The following PAXIP1 variants were observed in gnomAD, a reference collection of about 807,000 sequenced individuals.
The protein encoded by PAXIP1 is PAX-interacting protein 1.
In PAXIP1, 19 loss-of-function variants were observed where a neutral mutation model predicts 140.6. The ratio of observed to expected loss-of-function variants is 0.14; its 90% CI spans 0.09 to 0.20. The LOEUF (loss-of-function observed/expected upper bound fraction) is 0.20. Among genes scored for constraint, PAXIP1 ranks in the 10% least tolerant of loss-of-function variants. The probability of loss-of-function intolerance (pLI) is 1.00; values close to 1 mark genes in which losing one functional copy is unlikely to be tolerated. For synonymous variants in PAXIP1, 442 were observed against 444.6 expected (o/e 0.99, Z 0.07); for missense variants, 920 against 1,208.6 (o/e 0.76, Z 3.54).
rs753209186 is a variant in PAXIP1 at position 154,944,062 on chromosome 7, C to G, written c.*87G>C. 2 of 1,236,690 alleles carry G rather than the reference C, an allele frequency of 1.6e-6. No individual in the cohort carries two copies. Among genetic ancestry groups the G allele is most frequent in the Admixed American group, 1.8e-5 (1 of 55,426 alleles). The allele number at this position is 1,236,690 out of a possible 1,614,324, so 76.6% of individuals were successfully genotyped here. On this transcript the variant is annotated 3_prime_UTR_variant, in exon 21 of 21. Coordinates refer to ENST00000404141, the MANE Select transcript of PAXIP1 (RefSeq NM_007349.4). ...CAGGAAAGCAGCTGGAAAACAAGAGCATGTGAAGGAAGCGCAGCAGCTCCT... is the reference window on the plus strand; with the variant it reads ...CAGGAAAGCAGCTGGAAAACAAGAGGATGTGAAGGAAGCGCAGCAGCTCCT...
chr7:154,957,032 T>C, intron 14 of PAXIP1, 192 bp downstream of exon 14: 2 of 415,998 alleles, frequency 4.8e-6, no homozygotes, highest in Non-Finnish European at 8.5e-6. Flanking sequence ...ACTGAATTTT[T>C]TTAAAATAAA....
At chr7:154,948,173 A>C (rs1371970260) in intron 16 of PAXIP1, 170 bp from the exon 17 acceptor site, 16 of 591,588 alleles carry the variant, frequency 2.7e-5, no homozygotes, top group Non-Finnish European at 4.3e-5. Flanking sequence ...CTTCCCTCTA[A>C]AAACAGCCAG....
At chr7:154,968,025 T>C in intron 7 of PAXIP1, 115 bp from the exon 8 acceptor site, 1 of 651,648 alleles carries the variant, frequency 1.5e-6, no homozygotes, top group South Asian at 1.9e-5. Context: ...GTCTTGACCA[T>C]GACGTATCTG....
In PAXIP1 at chr7:154,962,462, T is replaced by G. The variant is rs1281208592; in HGVS notation, c.1990-4A>C. 6.2e-7 allele frequency: 1 copy of G among 1,610,914 alleles called. No homozygotes were observed. Among genetic ancestry groups the G allele is most frequent in the Non-Finnish European group, 8.5e-7 (1 of 1,178,370 alleles). ...ATCTCTTTCTTTCTCTTATTGCCTG[T>G]CAAACATAAAATTATAGGTTTGTTG... On this transcript the variant is annotated splice_polypyrimidine_tract_variant and splice_region_variant and intron_variant, in intron 9 of 20. Coordinates refer to ENST00000404141, the MANE Select transcript of PAXIP1 (RefSeq NM_007349.4).
chr7:154,987,839 T>A (rs1209725592), intron 4 of PAXIP1, among the ~76,000 whole-genome samples: 2 of 152,198 alleles, frequency 1.3e-5, no homozygotes, highest in African/African-American at 4.8e-5. Flanking sequence ...CATCTGTTGC[T>A]AAGTCCCATG....
rs569418668 is a variant in PAXIP1 at position 154,973,618 on chromosome 7, A to G, written c.1074+2078T>C. Among the ~76,000 whole-genome samples the G allele has an allele frequency of 6.6e-6, 1 of 152,148 alleles. No homozygotes were observed. The highest frequency in any genetic ancestry group is 1.5e-5 in the Non-Finnish European group (1 of 68,028). ...TCATCCCAAGAACCGTGTACTACTA[A>G]TACTCGCTGCTTAGGTGGAGGGGAG... On this transcript the variant is annotated intron_variant, in intron 6 of 20. Transcript: ENST00000404141. This position sits in a 1 kb window ranked among gnomAD's most constrained non-coding sequence, Gnocchi z 4.0.
intron 16 of PAXIP1, 41 bp from the exon 17 acceptor site, chr7:154,948,044 C>T (rs374906815): frequency 2.3e-4 from 330 of 1,405,358 alleles, no homozygotes; most frequent in Non-Finnish European, 2.5e-4. Context: ...AGTGTGGACA[C>T]GTGAAGTGTG....
intron 12 of PAXIP1, among the ~76,000 whole-genome samples, 172 bp downstream of exon 12, chr7:154,960,721 T>G (rs1353940856): frequency 6.6e-6 from 1 of 151,798 alleles, no homozygotes; most frequent in Non-Finnish European, 1.5e-5. Context: ...ACAAAAATCC[T>G]GGGCAGAGTG....
chr7:154,979,246 C>CG (rs1216328424), intron 5 of PAXIP1, among the ~76,000 whole-genome samples: 1 of 152,150 alleles, frequency 6.6e-6, no homozygotes, highest in African/African-American at 2.4e-5. Context: ...AACCATACCC[C>CG]GTTTCTGTTG....
intron 5 of PAXIP1, among the ~76,000 whole-genome samples, chr7:154,977,230 T>G (rs957309747): frequency 1.3e-5 from 2 of 152,020 alleles, no homozygotes; most frequent in Non-Finnish European, 2.9e-5. Flanking sequence ...AGGAAATAAA[T>G]AAAAAATGTT....
chr7:154,962,864 A>G (rs1245022180), intron 9 of PAXIP1, among the ~76,000 whole-genome samples: 1 of 152,184 alleles, frequency 6.6e-6, no homozygotes, highest in African/African-American at 2.4e-5. Context: ...GTATTTCCAC[A>G]TTTTTACAGG....
At chr7:154,984,916 G>A (rs1810001998) in intron 4 of PAXIP1, among the ~76,000 whole-genome samples, 2 of 152,158 alleles carry the variant, frequency 1.3e-5, no homozygotes, top group South Asian at 2.1e-4. Flanking sequence ...TGTCACAGGC[G>A]TAGACCTCAA....
chr7:154,981,990 C>T (rs925526834), intron 5 of PAXIP1, among the ~76,000 whole-genome samples: 1 of 152,144 alleles, frequency 6.6e-6, no homozygotes, highest in African/African-American at 2.4e-5. Context: ...CTTTGACAAA[C>T]CCACTCTGTT....
At chr7:154,962,298 G>A in intron 10 of PAXIP1, 23 bp downstream of exon 10, 1 of 1,607,732 alleles carries the variant, frequency 6.2e-7, no homozygotes, top group Non-Finnish European at 8.5e-7. Context: ...TTTAACAAAT[G>A]GAACGCGAGG....
In PAXIP1 at chr7:154,955,621, C is replaced by T. The variant is rs771844847; in HGVS notation, c.2560G>A (p.Val854Ile). ...GTTAGCTTTTTAGTGGGAGGTGGTA[C>T]GTCTTCAATTCTGTGGAAGAAATAC... ...PSSKRARIED[V>I]PPPTKKLTPE... is the part of the protein sequence containing the mutation. Residue 854 changes from valine to isoleucine, a missense_variant, in exon 15 of 21, where the codon GTA (valine) becomes ATA (isoleucine). Val to Ile is a conservative substitution (Grantham distance 29). Transcript: ENST00000404141. The T allele has an allele frequency of 1.3e-5, 21 of 1,568,954 alleles. No homozygotes were observed. Among genetic ancestry groups the T allele is most frequent in the Admixed American group, 1.9e-5 (1 of 51,542 alleles).
chr7:154,978,439 C>T (rs937599112), intron 5 of PAXIP1, among the ~76,000 whole-genome samples: 1 of 152,164 alleles, frequency 6.6e-6, no homozygotes, highest in Non-Finnish European at 1.5e-5. Flanking sequence ...TGTAAGAGTA[C>T]ATCAATTTAC....
intron 3 of PAXIP1, among the ~76,000 whole-genome samples, chr7:154,991,691 T>C (rs941188744): frequency 6.6e-6 from 1 of 152,220 alleles, no homozygotes; most frequent in African/African-American, 2.4e-5. Flanking sequence ...TAATGAGCAC[T>C]TACTACACAT....
chr7:154,997,862 T>C (rs182770495), intron 2 of PAXIP1, among the ~76,000 whole-genome samples: 10 of 152,350 alleles, frequency 6.6e-5, no homozygotes, highest in African/African-American at 2.4e-4. Flanking sequence ...TTCAGCTAAC[T>C]GAAATTCAGA....
In PAXIP1 at chr7:154,963,587, A is replaced by T; in HGVS notation, c.1989+84T>A. ...TAGAGGTAGAAAAAAGTTCTTTCCA[A>T]AAATAATAATCACTAGCATTTAAGA... On this transcript the variant is annotated intron_variant, in intron 9 of 20. Coordinates refer to ENST00000404141, the MANE Select transcript of PAXIP1 (RefSeq NM_007349.4). This position sits in a 1 kb window ranked among gnomAD's most constrained non-coding sequence, Gnocchi z 4.1. The T allele has an allele frequency of 1.1e-6, 1 of 945,234 alleles. No homozygotes were observed. The highest frequency in any genetic ancestry group is 1.6e-6 in the Non-Finnish European group (1 of 609,296). The allele number at this position is 945,234 out of a possible 1,614,324, so 58.6% of individuals were successfully genotyped here. A position where few individuals can be genotyped will look rare whatever the true frequency, so the allele number is the denominator to read the frequency against.
Sources: gnomAD v4.1 joint callset for allele counts (sites outside exome capture counted in the v4.1 genomes callset) on GRCh38, gnomAD v4.1.1 for gene constraint, Gnocchi (gnomAD v3.1) non-coding constraint, MANE v1.5 for transcripts, NCBI Gene and HGNC (gene_info 2026-07-23, HGNC 2026-07-21) for gene names.